The following LRCH1 variants were observed in gnomAD, a reference collection of about 807,000 sequenced individuals.
The protein encoded by LRCH1 is leucine rich repeats and calponin homology domain containing 1, also known as leucine-rich repeat and calponin homology domain-containing protein 1.
A neutral mutation model predicts 94.9 loss-of-function variants in LRCH1; 23 were observed. The ratio of observed to expected loss-of-function variants is 0.24; its 90% CI spans 0.17 to 0.34. The LOEUF is 0.34. Ranked by LOEUF, LRCH1 falls within the 10% of genes least tolerant of loss-of-function variation. The pLI is 1.00. For synonymous variants in LRCH1, 364 were observed against 354.9 expected (o/e 1.03, Z -0.29); for missense variants, 790 against 945.9 (o/e 0.84, Z 2.16).
Position 46,728,925 on chromosome 13 carries a change from C to G in LRCH1, c.1948C>G (p.Leu650Val). The G allele has an allele frequency of 6.2e-7, 1 of 1,613,816 alleles. No individual in the cohort carries two copies. ...CATGGATGGTGTCGTCCTCTGCCAT[C>G]TGGTCAACCACATCCGCCCACGGTC... is the stretch of plus-strand genomic sequence containing the variant. ...ALMDGVVLCH[L>V]VNHIRPRSVA... The change falls in exon 18 of 20, where the codon CTG becomes GTG. Residue 650 changes from leucine to valine, a missense_variant. Leu to Val is a conservative substitution (Grantham distance 32, BLOSUM62 1). Coordinates refer to ENST00000389797, the MANE Select transcript of LRCH1 (RefSeq NM_001164211.2).
chr13:46,693,403 G>A (rs752547437), intron 8 of LRCH1, among the ~76,000 whole-genome samples: 4 of 152,182 alleles, frequency 2.6e-5, no homozygotes, highest in African/African-American at 4.8e-5. Context: ...GAAGAAGAGC[G>A]TGGAGGTTTG....
chr13:46,595,797 T>C (rs1159737159), intron 1 of LRCH1, among the ~76,000 whole-genome samples: 1 of 150,878 alleles, frequency 6.6e-6, no homozygotes, highest in Non-Finnish European at 1.5e-5. Flanking sequence ...TTGTTCTAGA[T>C]GTGGAGTTCT....
At chr13:46,717,388 A>G (rs1006178700) in intron 16 of LRCH1, 2 of 152,218 alleles carry the variant, frequency 1.3e-5, no homozygotes, top group African/African-American at 4.8e-5. Flanking sequence ...GTTATGCTGT[A>G]CCACAATAAT....
chr13:46,566,537 G>A (rs780213515), intron 1 of LRCH1, among the ~76,000 whole-genome samples: 4 of 152,190 alleles, frequency 2.6e-5, no homozygotes, highest in Non-Finnish European at 5.9e-5. Flanking sequence ...GAGGTCGGGA[G>A]TATCATCGTT....
At chr13:46,589,971 T>A (rs2050481583) in intron 1 of LRCH1, among the ~76,000 whole-genome samples, 1 of 151,188 alleles carries the variant, frequency 6.6e-6, no homozygotes, top group African/African-American at 2.4e-5. Flanking sequence ...ACATCCCACA[T>A]GGAGGATGTG....
chr13:46,626,861 T>A lies in LRCH1; in HGVS notation c.308-23340T>A, dbSNP rs949842733. ...CTAACCGGTTTATGCAAGATTTTTT[T>A]AAAAAAACAGCAAAATGAAAAGGTT... is the stretch of plus-strand genomic sequence containing the variant. On this transcript the variant is annotated intron_variant, in intron 1 of 19. Transcript: ENST00000389797. 2.6e-5 allele frequency among the ~76,000 whole-genome samples: 4 copies of A among 152,206 alleles called. No homozygotes were observed. In the East Asian group the frequency reaches 7.7e-4, roughly 29 times the overall value.
At chr13:46,711,456 A>C (rs769272451) in intron 13 of LRCH1, among the ~76,000 whole-genome samples, 2 of 152,212 alleles carry the variant, frequency 1.3e-5, no homozygotes, top group Non-Finnish European at 2.9e-5. Context: ...AAAAATCATA[A>C]TTAAAATGAG....
chr13:46,618,095 A>T (rs980607961), intron 1 of LRCH1, among the ~76,000 whole-genome samples: 53 of 152,094 alleles, frequency 3.5e-4, no homozygotes, highest in African/African-American at 1.3e-3. Flanking sequence ...TTGTGTGAAC[A>T]TCATCGAGTG....
intron 16 of LRCH1, among the ~76,000 whole-genome samples, chr13:46,720,959 T>G (rs1174855120): frequency 6.6e-6 from 1 of 152,236 alleles, no homozygotes; most frequent in Non-Finnish European, 1.5e-5. Flanking sequence ...ATTTTAAGTG[T>G]TCATTTTAAA....
intron 13 of LRCH1, 27 bp from the exon 14 acceptor site, chr13:46,711,764 T>C: frequency 6.3e-7 from 1 of 1,592,472 alleles, no homozygotes; most frequent in Non-Finnish European, 8.6e-7. Context: ...TAATGGAACA[T>C]ACCATGCTTT....
At chr13:46,623,047 T>C (rs988774789) in intron 1 of LRCH1, among the ~76,000 whole-genome samples, 1 of 152,044 alleles carries the variant, frequency 6.6e-6, no homozygotes, top group Non-Finnish European at 1.5e-5. Flanking sequence ...AAGCTTTTAG[T>C]GTAGTTAAAA....
intron 17 of LRCH1, among the ~76,000 whole-genome samples, chr13:46,727,927 T>TC (rs1456852188): frequency 7.6e-5 from 8 of 105,784 alleles, no homozygotes; most frequent in Non-Finnish European, 1.5e-4. Flanking sequence ...CTTTCTTTTT[T>TC]TTTTTTTGAG....
At chr13:46,578,041 T>A (rs1045370500) in intron 1 of LRCH1, among the ~76,000 whole-genome samples, 4 of 152,190 alleles carry the variant, frequency 2.6e-5, no homozygotes, top group Non-Finnish European at 5.9e-5. Flanking sequence ...AAACTTAGTG[T>A]GAGTCTTTAT....
At chr13:46,610,556 G>A (rs1220650285) in intron 1 of LRCH1, among the ~76,000 whole-genome samples, 1 of 151,438 alleles carries the variant, frequency 6.6e-6, no homozygotes, top group Non-Finnish European at 1.5e-5. Flanking sequence ...TCCCACTTAG[G>A]AGTGAGAATA....
chr13:46,651,553 A>G (rs2051298731), intron 2 of LRCH1, among the ~76,000 whole-genome samples: 1 of 151,774 alleles, frequency 6.6e-6, no homozygotes, highest in Non-Finnish European at 1.5e-5. Context: ...CCAGCTACTC[A>G]ACGAAGCTGA....
At chr13:46,659,732 A>G (rs1378062244) in intron 2 of LRCH1, among the ~76,000 whole-genome samples, 2 of 152,138 alleles carry the variant, frequency 1.3e-5, no homozygotes, top group Non-Finnish European at 2.9e-5. Context: ...AGGGCAGTTC[A>G]TTTACTTTTG....
At chr13:46,576,464 A>G (rs1280409019) in intron 1 of LRCH1, among the ~76,000 whole-genome samples, 1 of 152,226 alleles carries the variant, frequency 6.6e-6, no homozygotes, top group East Asian at 1.9e-4. Context: ...TGCGCTCCCT[A>G]TGCCAATGAT....
intron 8 of LRCH1, among the ~76,000 whole-genome samples, chr13:46,694,098 A>G (rs1871052229): frequency 6.6e-6 from 1 of 152,254 alleles, no homozygotes; most frequent in Non-Finnish European, 1.5e-5. Flanking sequence ...ATATAAAGTT[A>G]GTAATATTAT....
At chr13:46,606,876 T>C (rs960726636) in intron 1 of LRCH1, among the ~76,000 whole-genome samples, 3 of 151,794 alleles carry the variant, frequency 2.0e-5, no homozygotes, top group African/African-American at 7.3e-5. Flanking sequence ...CAGAAAGAAA[T>C]TTTTTTTTAT....
Sources: gnomAD v4.1 joint callset for allele counts (sites outside exome capture counted in the v4.1 genomes callset) on GRCh38, gnomAD v4.1.1 for gene constraint, MANE v1.5 for transcripts, NCBI Gene and HGNC (gene_info 2026-07-23, HGNC 2026-07-21) for gene names.